Variants in SPOP observed in about 807,000 individuals in gnomAD.
SPOP encodes the protein speckle type BTB/POZ protein, also known as speckle-type POZ protein.
A neutral mutation model predicts 45.6 loss-of-function variants in SPOP; 11 were observed. That is an observed-to-expected ratio of 0.24 (90% confidence interval 0.15 to 0.40). The LOEUF (loss-of-function observed/expected upper bound fraction) is 0.40, where lower values mean the gene tolerates loss of function less well. SPOP is among the 10% of genes least tolerant of loss of function. The probability of loss-of-function intolerance (pLI) is 1.00; values close to 1 mark genes in which losing one functional copy is unlikely to be tolerated. For synonymous variants in SPOP, 166 were observed against 166.3 expected (o/e 1.00, Z 0.01); for missense variants, 152 against 465.6 (o/e 0.33, Z 6.20).
At chr17:49,604,353 G>A (rs187716713) in intron 8 of SPOP, among the ~76,000 whole-genome samples, 9 of 152,214 alleles carry the variant, frequency 5.9e-5, no homozygotes, top group Admixed American at 5.2e-4. Flanking sequence ...AGAAAGATAC[G>A]GTTATTATTC....
intron 1 of SPOP, among the ~76,000 whole-genome samples, chr17:49,656,554 T>G (rs1389772693): frequency 1.3e-5 from 2 of 152,138 alleles, no homozygotes; most frequent in Non-Finnish European, 2.9e-5. Context: ...CCATATGCCT[T>G]TCTCAAATTT....
intron 1 of SPOP, among the ~76,000 whole-genome samples, chr17:49,642,711 T>C (rs1300532364): frequency 6.6e-6 from 1 of 152,228 alleles, no homozygotes; most frequent in African/African-American, 2.4e-5. Flanking sequence ...CATTTTCTTC[T>C]AAAGAAAGAT....
Position 49,619,402 on chromosome 17 carries a change from G to GAAAAAAAAAATAA in SPOP, c.201-18_201-17insTTATTTTTTTTTT. ...CGCAAACACCTGTCCAAAACAGATA[G>GAAAAAAAAAATAA]AAAAAAAAAATGTCAAAAGCATCCA... On this transcript the variant is annotated splice_polypyrimidine_tract_variant and intron_variant, in intron 3 of 9. Transcript: ENST00000504102. The surrounding 1 kb of genome is among the most constrained non-coding windows in gnomAD (Gnocchi z 4.9). 1 of 1,448,802 alleles carries GAAAAAAAAAATAA rather than the reference G, an allele frequency of 6.9e-7. No homozygotes were observed. The highest frequency in any genetic ancestry group is 1.3e-5 in the South Asian group (1 of 74,618). The allele number at this position is 1,448,802 out of a possible 1,614,324, so 89.7% of individuals were successfully genotyped here.
intron 1 of SPOP, among the ~76,000 whole-genome samples, chr17:49,653,506 T>G (rs1006751385): frequency 6.6e-6 from 1 of 152,142 alleles, no homozygotes; most frequent in Non-Finnish European, 1.5e-5. Flanking sequence ...TGCCGAATGG[T>G]TTCCATGTTT....
intron 1 of SPOP, among the ~76,000 whole-genome samples, chr17:49,649,129 T>C (rs987019539): frequency 5.3e-5 from 8 of 152,258 alleles, no homozygotes; most frequent in African/African-American, 1.9e-4. Flanking sequence ...TAGGTCTCTC[T>C]TTTTAAAAAT....
intron 1 of SPOP, among the ~76,000 whole-genome samples, chr17:49,668,889 GC>G (rs2073098684): frequency 2.7e-5 from 4 of 150,770 alleles, no homozygotes; most frequent in Admixed American, 2.0e-4. Flanking sequence ...CCATTCTCCT[GC>G]CTCAGCCTCC....
intron 1 of SPOP, among the ~76,000 whole-genome samples, chr17:49,671,444 A>C (rs1192796235): frequency 6.6e-6 from 1 of 152,094 alleles, no homozygotes; most frequent in East Asian, 1.9e-4. Context: ...GGAAAAATAC[A>C]AAGTGAGCTA....
chr17:49,657,299 G>GA lies in SPOP; in HGVS notation c.-67+20633dup, dbSNP rs2072926205. On this transcript the variant is annotated intron_variant, in intron 1 of 9. Transcript: ENST00000504102. ...ACAAGAATATTTAAGGAATAATTAGGAAAAATCTAATATTGTACAGCAATT... is the reference window on the plus strand; with the variant it reads ...ACAAGAATATTTAAGGAATAATTAGGAAAAAATCTAATATTGTACAGCAATT... 3.9e-5 allele frequency among the ~76,000 whole-genome samples: 6 copies of GA among 152,154 alleles called. No individual in the cohort carries two copies. In the South Asian group the frequency reaches 1.2e-3, roughly 32 times the overall value.
Position 49,661,739 on chromosome 17 carries a change from T to C in SPOP, c.-67+16194A>G, listed in dbSNP as rs1416374971. Among the ~76,000 whole-genome samples the C allele has an allele frequency of 9.2e-5, 14 of 152,244 alleles. No individual in the cohort carries two copies. The East Asian group carries it at 2.7e-3, about 29-fold the overall frequency. On this transcript the variant is annotated intron_variant, in intron 1 of 9. Transcript: ENST00000504102. ...ACCATAAAACATATTTAAGGCCGGG[T>C]GCGGTGGCTCATGCCTGTAATCCCA...
intron 1 of SPOP, among the ~76,000 whole-genome samples, chr17:49,655,494 G>A (rs2072897055): frequency 6.6e-6 from 1 of 151,712 alleles, no homozygotes; most frequent in Non-Finnish European, 1.5e-5. Flanking sequence ...CTGGGCGACA[G>A]AGCGAGACTC....
intron 1 of SPOP, among the ~76,000 whole-genome samples, chr17:49,649,688 G>A (rs1233998491): frequency 1.3e-5 from 2 of 151,520 alleles, no homozygotes; most frequent in African/African-American, 4.9e-5. Context: ...AATTAGCCGG[G>A]CATGGTGGCA....
At chr17:49,651,923 G>T (rs2072847601) in intron 1 of SPOP, among the ~76,000 whole-genome samples, 1 of 152,032 alleles carries the variant, frequency 6.6e-6, no homozygotes, top group African/African-American at 2.4e-5. Context: ...GGAGGCTGAG[G>T]CATGAAAATT....
At chr17:49,626,252 ATCATTCTATAATAGTTTTATTATAGT>A (rs1238699887) in intron 1 of SPOP, among the ~76,000 whole-genome samples, 4 of 152,172 alleles carry the variant, frequency 2.6e-5, no homozygotes, top group African/African-American at 7.2e-5. Context: ...TTTATACAGG[ATCATTCTATAATAGTTTTATTATAGT>A]TCATTCTATA....
At chr17:49,650,348 G>C (rs2072826011) in intron 1 of SPOP, among the ~76,000 whole-genome samples, 1 of 152,114 alleles carries the variant, frequency 6.6e-6, no homozygotes. Context: ...GGGAGGCTGA[G>C]GCGGGCAGAT....
chr17:49,623,010 A>ATTT, intron 1 of SPOP, 134 bp from the exon 2 acceptor site: 22 of 392,878 alleles, frequency 5.6e-5, no homozygotes, highest in Middle Eastern at 6.9e-4. Flanking sequence ...AGGTCCTAAA[A>ATTT]TTTTTTTTTT....
intron 1 of SPOP, among the ~76,000 whole-genome samples, chr17:49,668,389 G>C (rs528794064): frequency 2.0e-5 from 3 of 152,154 alleles, no homozygotes; most frequent in African/African-American, 7.2e-5. Context: ...CAAGTTACAT[G>C]TATCAACATA....
At chr17:49,677,522 C>A (rs896871100) in intron 1 of SPOP, among the ~76,000 whole-genome samples, 1 of 152,242 alleles carries the variant, frequency 6.6e-6, no homozygotes, top group Non-Finnish European at 1.5e-5. Context: ...ACTCGTGCTC[C>A]ACCGGCTCTT....
At chr17:49,616,063 G>A (rs999760901) in intron 5 of SPOP, among the ~76,000 whole-genome samples, 3 of 152,190 alleles carry the variant, frequency 2.0e-5, no homozygotes, top group African/African-American at 7.2e-5. Context: ...AACTGAAAGT[G>A]ATCTCAGTGT....
At chr17:49,608,573 G>A (rs1028842397) in intron 6 of SPOP, among the ~76,000 whole-genome samples, 1 of 152,148 alleles carries the variant, frequency 6.6e-6, no homozygotes, top group Non-Finnish European at 1.5e-5. Flanking sequence ...TCTCTCATCA[G>A]GGAGAATTTA....
Sources: allele counts gnomAD v4.1 joint callset (sites outside exome capture counted in the v4.1 genomes callset), GRCh38; gene constraint gnomAD v4.1.1; non-coding constraint Gnocchi (gnomAD v3.1); transcripts MANE v1.5; gene names NCBI Gene and HGNC (gene_info 2026-07-23, HGNC 2026-07-21).